The following LRRTM4 variants were observed in gnomAD, a reference collection of about 807,000 sequenced individuals.
LRRTM4 encodes leucine rich repeat transmembrane neuronal 4, also known as leucine-rich repeat transmembrane neuronal protein 4.
Under a neutral mutation model 47.6 loss-of-function variants are expected in LRRTM4, and 25 were observed. The observed-to-expected ratio is 0.53, with a 90% CI of 0.38 to 0.73. LRRTM4 has a LOEUF of 0.73. LRRTM4 is among the 30% of genes least tolerant of loss of function. The probability of loss-of-function intolerance (pLI) is 0.00; values close to 1 mark genes in which losing one functional copy is unlikely to be tolerated. For synonymous variants in LRRTM4, 311 were observed against 269.5 expected, an observed-to-expected ratio of 1.15 and a Z score of -1.51; for missense variants, 638 against 713.4, an observed-to-expected ratio of 0.89 and a Z score of 1.20.
chr2:76,780,216 T>C (rs1308642234), intron 3 of LRRTM4, among the ~76,000 whole-genome samples: 1 of 152,206 alleles, frequency 6.6e-6, no homozygotes, highest in African/African-American at 2.4e-5. Context: ...ATTTCAACTT[T>C]GGTGAATCTG....
Position 76,974,241 on chromosome 2 carries a change from C to T in LRRTM4, c.1552-225325G>A, listed in dbSNP as rs1286636198. Among the ~76,000 whole-genome samples, 294 of 109,804 alleles carry T rather than the reference C, an allele frequency of 2.7e-3. 8 individuals are homozygous for T. The highest frequency in any genetic ancestry group is 8.9e-3 in the African/African-American group (267 of 30,082). The allele number at this position is 109,804 out of a possible 152,430, so 72.0% of individuals were successfully genotyped here. On this transcript the variant is annotated intron_variant, in intron 3 of 3. Coordinates refer to ENST00000409884, the MANE Select transcript of LRRTM4 (RefSeq NM_001134745.3). ...ATATATACATACATATATATATATA[C>T]ATATATATATATACACACACATACA...
chr2:77,075,720 C>T (rs1369618237), intron 3 of LRRTM4, among the ~76,000 whole-genome samples: 1 of 150,982 alleles, frequency 6.6e-6, no homozygotes, highest in Non-Finnish European at 1.5e-5. Flanking sequence ...TCGAGACCAT[C>T]CTGGCTAACA....
chr2:77,184,593 C>T (rs992201871), intron 3 of LRRTM4, among the ~76,000 whole-genome samples: 1 of 152,080 alleles, frequency 6.6e-6, no homozygotes, highest in African/African-American at 2.4e-5. Context: ...CTACATAAAG[C>T]CTTTCCCAAA....
At chr2:76,755,143 C>A (rs769213188) in intron 3 of LRRTM4, among the ~76,000 whole-genome samples, 101 of 152,204 alleles carry the variant, frequency 6.6e-4, no homozygotes, top group Middle Eastern at 3.4e-3. Flanking sequence ...ATGAAAAGAT[C>A]TTGATTATTT....
intron 3 of LRRTM4, among the ~76,000 whole-genome samples, chr2:77,351,972 TAATG>T (rs938086784): frequency 3.9e-5 from 6 of 152,258 alleles, no homozygotes; most frequent in South Asian, 4.1e-4. Context: ...ACAACTTTAT[TAATG>T]AAGTCACCTT....
intron 3 of LRRTM4, among the ~76,000 whole-genome samples, chr2:76,857,339 T>TA (rs1435139406): frequency 1.1e-4 from 17 of 148,740 alleles, no homozygotes; most frequent in African/African-American, 3.9e-4. Flanking sequence ...ATCATATATA[T>TA]TTATTCCTTA....
At chr2:77,317,306 T>A (rs1351152771) in intron 3 of LRRTM4, among the ~76,000 whole-genome samples, 2 of 152,160 alleles carry the variant, frequency 1.3e-5, no homozygotes, top group Non-Finnish European at 2.9e-5. Context: ...ATCAAAGTAA[T>A]CAGTTTTGTT....
intron 3 of LRRTM4, among the ~76,000 whole-genome samples, chr2:77,080,938 C>CTCTT (rs1185142064): frequency 2.0e-5 from 3 of 152,160 alleles, no homozygotes; most frequent in Non-Finnish European, 2.9e-5. Flanking sequence ...TTTGTGCTTG[C>CTCTT]TCTTTACTCT....
chr2:76,918,776 C>T (rs1674337176), intron 3 of LRRTM4, among the ~76,000 whole-genome samples: 2 of 151,946 alleles, frequency 1.3e-5, no homozygotes, highest in African/African-American at 4.8e-5. Flanking sequence ...CAGGGTTTGG[C>T]CAATGGAACT....
intron 3 of LRRTM4, among the ~76,000 whole-genome samples, chr2:77,249,580 A>G (rs1457066902): frequency 6.6e-6 from 1 of 152,208 alleles, no homozygotes; most frequent in Non-Finnish European, 1.5e-5. Context: ...TCCATATTAT[A>G]TGTCATAAGA....
intron 3 of LRRTM4, among the ~76,000 whole-genome samples, chr2:76,777,049 G>A (rs1265623423): frequency 7.3e-6 from 1 of 136,916 alleles, no homozygotes; most frequent in East Asian, 2.3e-4. Flanking sequence ...TCTCAGGTTT[G>A]TCAAAGATCA....
chr2:76,803,617 A>T (rs1011376677), intron 3 of LRRTM4, among the ~76,000 whole-genome samples: 4 of 152,212 alleles, frequency 2.6e-5, no homozygotes, highest in African/African-American at 9.6e-5. Flanking sequence ...AGGAAATAAA[A>T]TCAGTGAAAA....
chr2:76,847,994 A>G (rs745808384), intron 3 of LRRTM4, among the ~76,000 whole-genome samples: 13 of 152,100 alleles, frequency 8.5e-5, no homozygotes, highest in Non-Finnish European at 1.5e-4. Flanking sequence ...AGCAAGAGTC[A>G]AGGCAGGGTG....
At chr2:77,343,432 A>C (rs2104280898) in intron 3 of LRRTM4, among the ~76,000 whole-genome samples, 1 of 152,048 alleles carries the variant, frequency 6.6e-6, no homozygotes, top group East Asian at 1.9e-4. Context: ...TATGTATATT[A>C]ACTCTTGAAG....
At chr2:77,170,021 G>A (rs899878264) in intron 3 of LRRTM4, among the ~76,000 whole-genome samples, 1 of 152,032 alleles carries the variant, frequency 6.6e-6, no homozygotes, top group African/African-American at 2.4e-5. Flanking sequence ...TATGGCAATG[G>A]GGCATGTGTT....
At chr2:77,452,621 G>T (rs569593786) in intron 3 of LRRTM4, among the ~76,000 whole-genome samples, 3 of 152,138 alleles carry the variant, frequency 2.0e-5, no homozygotes, top group African/African-American at 4.8e-5. Context: ...GAAGGATCCC[G>T]CACTTGGTTT....
At chr2:77,096,890 T>C (rs1465262928) in intron 3 of LRRTM4, among the ~76,000 whole-genome samples, 1 of 151,714 alleles carries the variant, frequency 6.6e-6, no homozygotes, top group African/African-American at 2.4e-5. Context: ...CAACTTAAGG[T>C]AATTGGATGA....
chr2:76,822,247 G>T (rs1478582542), intron 3 of LRRTM4, among the ~76,000 whole-genome samples: 1 of 151,288 alleles, frequency 6.6e-6, no homozygotes. Flanking sequence ...AGATACTAAG[G>T]CCTGAAATGA....
chr2:76,785,102 A>G (rs1034870174), intron 3 of LRRTM4, among the ~76,000 whole-genome samples: 7 of 152,144 alleles, frequency 4.6e-5, no homozygotes, highest in Admixed American at 1.3e-4. Context: ...TCCTCCAAAG[A>G]TATCTTGCTA....
Sources: allele counts gnomAD v4.1 joint callset (sites outside exome capture counted in the v4.1 genomes callset), GRCh38; gene constraint gnomAD v4.1.1; transcripts MANE v1.5; gene names NCBI Gene and HGNC (gene_info 2026-07-23, HGNC 2026-07-21).